Variants in PACS1 observed in about 807,000 individuals in gnomAD.
PACS1 encodes phosphofurin acidic cluster sorting protein 1, also known as PACS-1.
A neutral mutation model predicts 115.0 loss-of-function variants in PACS1; 24 were observed. That is an observed-to-expected ratio of 0.21 (90% confidence interval 0.15 to 0.29). PACS1 has a LOEUF of 0.29. PACS1 is among the 10% of genes least tolerant of loss of function. The probability of loss-of-function intolerance (pLI) is 1.00; values close to 1 mark genes in which losing one functional copy is unlikely to be tolerated. For missense variants in PACS1, 838 were observed against 1,251.2 expected, an observed-to-expected ratio of 0.67 and a Z score of 4.98; for synonymous variants, 453 against 504.5, an observed-to-expected ratio of 0.90 and a Z score of 1.37.
At chr11:66,212,927 G>A (rs1010130295) in intron 4 of PACS1, among the ~76,000 whole-genome samples, 2 of 152,188 alleles carry the variant, frequency 1.3e-5, no homozygotes, top group African/African-American at 4.8e-5. Context: ...TCGGCTCACT[G>A]CAACCTCTAC....
chr11:66,070,971 T>G lies in PACS1; in HGVS notation c.356+129T>G. On this transcript the variant is annotated intron_variant, in intron 1 of 23. Coordinates refer to ENST00000320580, the MANE Select transcript of PACS1 (RefSeq NM_018026.4). This position sits in a 1 kb window ranked among gnomAD's most constrained non-coding sequence, Gnocchi z 5.9. Reference sequence around the variant, plus strand: ...CGACTGTCCCGCGGCCCGGCCTGGCTCCAGCCAGGCCTCCCGGGACTCCTG... The same window carrying G: ...CGACTGTCCCGCGGCCCGGCCTGGCGCCAGCCAGGCCTCCCGGGACTCCTG... 1.0e-6 allele frequency: 1 copy of G among 989,584 alleles called. No homozygotes were observed. Among genetic ancestry groups the G allele is most frequent in the South Asian group, 2.4e-5 (1 of 41,294 alleles). 61.3% of individuals were successfully genotyped at this position (989,584 alleles called of 1,614,324 possible).
chr11:66,219,605 TGC>T (rs1376208819), intron 7 of PACS1, 139 bp from the exon 8 acceptor site: 2 of 747,624 alleles, frequency 2.7e-6, no homozygotes, highest in East Asian at 5.2e-5. Context: ...AGGCTTTGAG[TGC>T]CAAGGGCAGA....
At chr11:66,195,127 T>C (rs1854621312) in intron 2 of PACS1, among the ~76,000 whole-genome samples, 1 of 152,158 alleles carries the variant, frequency 6.6e-6, no homozygotes, top group African/African-American at 2.4e-5. Context: ...GGCAGGAGAA[T>C]TGCTTGAGCC....
intron 1 of PACS1, among the ~76,000 whole-genome samples, chr11:66,187,534 C>T (rs1184410682): frequency 2.6e-5 from 4 of 152,182 alleles, no homozygotes; most frequent in Admixed American, 2.0e-4. Flanking sequence ...TTTTTAGCTT[C>T]CATGTGTGAG....
chr11:66,202,745 ATATATATATATAT>A (rs1565145287), intron 2 of PACS1, among the ~76,000 whole-genome samples: 722 of 30,704 alleles, frequency 0.024, 145 homozygotes, highest in African/African-American at 0.061. Flanking sequence ...AAAAAAAAAT[ATATATATATATAT>A]ATATATATAT....
intron 11 of PACS1, among the ~76,000 whole-genome samples, chr11:66,230,135 T>G (rs1196065745): frequency 1.0e-5 from 1 of 96,918 alleles, no homozygotes; most frequent in Non-Finnish European, 2.1e-5. Flanking sequence ...GGAATGGGGC[T>G]AAAAAAAAAA....
intron 1 of PACS1, among the ~76,000 whole-genome samples, chr11:66,122,384 T>TA (rs1211678149): frequency 6.6e-6 from 1 of 152,252 alleles, no homozygotes; most frequent in African/African-American, 2.4e-5. Context: ...TCATGCCTGT[T>TA]AACCACAACA....
chr11:66,196,557 C>G (rs549551320), intron 2 of PACS1, among the ~76,000 whole-genome samples: 33 of 152,278 alleles, frequency 2.2e-4, no homozygotes, highest in African/African-American at 7.9e-4. Context: ...CAGAGTTACC[C>G]TATCAATTCA....
intron 1 of PACS1, among the ~76,000 whole-genome samples, chr11:66,126,759 T>A (rs1219658032): frequency 6.6e-6 from 1 of 152,118 alleles, no homozygotes; most frequent in Non-Finnish European, 1.5e-5. Context: ...GGCTTGTGCT[T>A]CTGGAACTTA....
Position 66,211,122 on chromosome 11 carries a change from T to C in PACS1, c.535-12T>C. Reference sequence around the variant, plus strand: ...CCATTAACCACGCTCGACTCTGTTTTGTATTTCGTAGTACCCTCATTTCCT... The same window carrying C: ...CCATTAACCACGCTCGACTCTGTTTCGTATTTCGTAGTACCCTCATTTCCT... On this transcript the variant is annotated splice_polypyrimidine_tract_variant and intron_variant, in intron 3 of 23. Transcript: ENST00000320580. 6.2e-7 allele frequency: 1 copy of C among 1,613,238 alleles called. No homozygotes were observed. Among genetic ancestry groups the C allele is most frequent in the Non-Finnish European group, 8.5e-7 (1 of 1,179,386 alleles).
intron 1 of PACS1, among the ~76,000 whole-genome samples, chr11:66,103,277 A>G (rs371251671): frequency 1.3e-5 from 2 of 152,114 alleles, no homozygotes; most frequent in African/African-American, 4.8e-5. Context: ...GATAAGTTCA[A>G]CAGTGGGGTG....
At chr11:66,151,706 G>A (rs1041961327) in intron 1 of PACS1, among the ~76,000 whole-genome samples, 1 of 152,170 alleles carries the variant, frequency 6.6e-6, no homozygotes, top group African/African-American at 2.4e-5. Context: ...TACTAGACAT[G>A]TAAATAAAAT....
At chr11:66,136,494 G>T (rs1590769892) in intron 1 of PACS1, among the ~76,000 whole-genome samples, 1 of 152,054 alleles carries the variant, frequency 6.6e-6, no homozygotes, top group South Asian at 2.1e-4. Context: ...ATGGCTTTCA[G>T]TCTTTATGGA....
rs1008079478 is a variant in PACS1, at chr11:66,243,529, G to C, written c.*249G>C. 3.9e-5 allele frequency: 21 copies of C among 533,268 alleles called. No homozygotes were observed. Among genetic ancestry groups the C allele is most frequent in the Non-Finnish European group, 6.8e-5 (20 of 294,798 alleles). The allele number at this position is 533,268 out of a possible 1,614,324, so 33.0% of individuals were successfully genotyped here. ...CCCTCCTGCTCCAGGCCCAAGGCGT[G>C]TTGGTTTTGCCTTCTGGTGCCCATA... On this transcript the variant is annotated 3_prime_UTR_variant, in exon 24 of 24. Transcript: ENST00000320580.
At chr11:66,130,721 TTTTA>T (rs1233281135) in intron 1 of PACS1, among the ~76,000 whole-genome samples, 2 of 152,170 alleles carry the variant, frequency 1.3e-5, no homozygotes, top group Non-Finnish European at 2.9e-5. Flanking sequence ...GTCTACTGCG[TTTTA>T]TTTGCCTGTT....
chr11:66,072,485 A>G (rs1431882305), intron 1 of PACS1, among the ~76,000 whole-genome samples: 1 of 150,802 alleles, frequency 6.6e-6, no homozygotes, highest in Non-Finnish European at 1.5e-5. Flanking sequence ...GGCTGCTTCC[A>G]CTCTGTGTTT....
intron 1 of PACS1, among the ~76,000 whole-genome samples, chr11:66,109,158 C>T (rs1858127241): frequency 6.6e-6 from 1 of 152,202 alleles, no homozygotes; most frequent in Non-Finnish European, 1.5e-5. Flanking sequence ...TTTATGCCAG[C>T]TGCAGGGGAT....
At chr11:66,234,071 G>T in intron 16 of PACS1, 61 bp from the exon 17 acceptor site, 1 of 1,525,508 alleles carries the variant, frequency 6.6e-7, no homozygotes, top group Non-Finnish European at 9.1e-7. Context: ...GCCAGGGACA[G>T]CTGCTCCCAC....
At chr11:66,152,467 A>G (rs183980449) in intron 1 of PACS1, among the ~76,000 whole-genome samples, 147 of 152,328 alleles carry the variant, frequency 9.7e-4, no homozygotes, top group African/African-American at 3.3e-3. Flanking sequence ...ATATTTGAAG[A>G]AATAATATCC....
Sources: gnomAD v4.1 joint callset for allele counts (sites outside exome capture counted in the v4.1 genomes callset) on GRCh38, gnomAD v4.1.1 for gene constraint, Gnocchi (gnomAD v3.1) non-coding constraint, MANE v1.5 for transcripts, NCBI Gene and HGNC (gene_info 2026-07-23, HGNC 2026-07-21) for gene names.